Variants in ZDHHC14 observed in about 807,000 individuals in gnomAD.
The protein encoded by ZDHHC14 is palmitoyltransferase ZDHHC14.
Under a neutral mutation model 47.7 loss-of-function variants are expected in ZDHHC14, and 16 were observed. The observed-to-expected ratio is 0.34, with a 90% confidence interval of 0.23 to 0.51. The LOEUF (loss-of-function observed/expected upper bound fraction) is 0.51. Ranked by LOEUF, ZDHHC14 falls within the 20% of genes least tolerant of loss-of-function variation. ZDHHC14 has a pLI of 0.97. For synonymous variants in ZDHHC14, 293 were observed against 278.9 expected (o/e 1.05, Z -0.50); for missense variants, 515 against 662.5 (o/e 0.78, Z 2.44).
chr6:157,469,347 C>A (rs961520521), intron 1 of ZDHHC14, among the ~76,000 whole-genome samples: 1 of 152,204 alleles, frequency 6.6e-6, no homozygotes, highest in African/African-American at 2.4e-5. Flanking sequence ...AAATGAATGT[C>A]CTTCCTAGTA....
chr6:157,484,549 GA>G (rs201607305), intron 1 of ZDHHC14, among the ~76,000 whole-genome samples: 4 of 146,200 alleles, frequency 2.7e-5, no homozygotes, highest in Non-Finnish European at 6.0e-5. Flanking sequence ...AAAGTTAAAA[GA>G]AAAAAAAATT....
intron 1 of ZDHHC14, among the ~76,000 whole-genome samples, chr6:157,435,184 T>C (rs1209678577): frequency 6.6e-6 from 1 of 152,234 alleles, no homozygotes; most frequent in Non-Finnish European, 1.5e-5. Flanking sequence ...ATGGGGAAAC[T>C]GGGGCTCTGT....
intron 1 of ZDHHC14, among the ~76,000 whole-genome samples, chr6:157,412,791 A>G (rs569155083): frequency 2.0e-4 from 31 of 152,318 alleles, no homozygotes; most frequent in African/African-American, 6.5e-4. Context: ...GAGCAAAACC[A>G]TTTGTCAAAT....
At chr6:157,407,147 G>T (rs1777781159) in intron 1 of ZDHHC14, among the ~76,000 whole-genome samples, 1 of 152,260 alleles carries the variant, frequency 6.6e-6, no homozygotes. Context: ...GCTCAAAGAG[G>T]GTGGGTGACC....
chr6:157,673,098 C>A lies in ZDHHC14; in HGVS notation c.1443C>A (p.Gly481=). 1 of 1,573,878 alleles carries A rather than the reference C, an allele frequency of 6.4e-7. No homozygotes were observed. Among genetic ancestry groups the A allele is most frequent in the Non-Finnish European group, 8.6e-7 (1 of 1,168,540 alleles). The change falls in exon 9 of 9, where the codon GGC becomes GGA. Residue 481 remains glycine (G), a synonymous_variant. Coordinates refer to ENST00000359775, the MANE Select transcript of ZDHHC14 (RefSeq NM_024630.3). The surrounding 1 kb of genome is among the most constrained non-coding windows in gnomAD (Gnocchi z 5.4). ...QDSLHEDSVR[G]LVKLSSV ...CCCTGCATGAGGACTCTGTGCGCGG[C>A]CTGGTGAAGCTCAGCTCCGTGTGAC...
intron 2 of ZDHHC14, among the ~76,000 whole-genome samples, chr6:157,575,761 G>T (rs1165921834): frequency 1.3e-5 from 2 of 152,234 alleles, no homozygotes; most frequent in Non-Finnish European, 2.9e-5. Flanking sequence ...GCATTTTGTT[G>T]TGTGATTATT....
At chr6:157,430,311 TAAAAAAAAAA>T (rs67359917) in intron 1 of ZDHHC14, among the ~76,000 whole-genome samples, 1 of 96,366 alleles carries the variant, frequency 1.0e-5, no homozygotes, top group Non-Finnish European at 2.1e-5. Context: ...CAAGACTGTG[TAAAAAAAAAA>T]AAAAAAAAAA....
At chr6:157,528,583 T>C (rs907370921) in intron 1 of ZDHHC14, among the ~76,000 whole-genome samples, 1 of 151,806 alleles carries the variant, frequency 6.6e-6, no homozygotes, top group Non-Finnish European at 1.5e-5. Flanking sequence ...TACAAAGAAA[T>C]TAGCCAGGCG....
intron 1 of ZDHHC14, among the ~76,000 whole-genome samples, chr6:157,514,309 G>C (rs946061000): frequency 2.0e-5 from 3 of 152,164 alleles, no homozygotes; most frequent in African/African-American, 7.2e-5. Context: ...CCCCTCTCAG[G>C]ATCCATCTAC....
chr6:157,622,220 A>G lies in ZDHHC14; in HGVS notation c.566-6129A>G, dbSNP rs1466859257. ...ATCCCATCTCCACTAAAAATACAAA[A>G]AAAAAAAAAAAAAAAAAAATAGCCA... On this transcript the variant is annotated intron_variant, in intron 3 of 8. Transcript: ENST00000359775. Among the ~76,000 whole-genome samples, 6 of 48,436 alleles carry G rather than the reference A, an allele frequency of 1.2e-4. No individual in the cohort carries two copies. The South Asian group carries it at 5.5e-3, about 44-fold the overall frequency. The allele number at this position is 48,436 out of a possible 152,430, so 31.8% of individuals were successfully genotyped here.
chr6:157,644,842 A>G (rs1177988609), intron 5 of ZDHHC14, among the ~76,000 whole-genome samples: 1 of 152,216 alleles, frequency 6.6e-6, no homozygotes, highest in African/African-American at 2.4e-5. Context: ...AAATATCTGT[A>G]TCCTGTAAAT....
At chr6:157,624,276 C>T (rs867775214) in intron 3 of ZDHHC14, among the ~76,000 whole-genome samples, 60 of 152,232 alleles carry the variant, frequency 3.9e-4, no homozygotes, top group African/African-American at 1.4e-3. Flanking sequence ...GCATTCAGAG[C>T]TGGAGGCAGG....
chr6:157,532,865 T>G (rs1781413128), intron 1 of ZDHHC14, among the ~76,000 whole-genome samples: 1 of 152,244 alleles, frequency 6.6e-6, no homozygotes, highest in Non-Finnish European at 1.5e-5. Flanking sequence ...ATAGTTGAGT[T>G]TTTAAAAGCA....
intron 1 of ZDHHC14, among the ~76,000 whole-genome samples, chr6:157,409,070 T>C (rs1471982177): frequency 2.6e-5 from 4 of 152,232 alleles, no homozygotes; most frequent in Non-Finnish European, 5.9e-5. Context: ...CATTCCCACT[T>C]GCATCTCATT....
intron 1 of ZDHHC14, among the ~76,000 whole-genome samples, chr6:157,484,670 C>G (rs1779735172): frequency 6.6e-6 from 1 of 151,608 alleles, no homozygotes; most frequent in Admixed American, 6.6e-5. Flanking sequence ...AGCATTTACA[C>G]TGCAATTACC....
At chr6:157,628,680 T>TC (rs1339145514) in intron 4 of ZDHHC14, 194 bp downstream of exon 4, 13 of 640,346 alleles carry the variant, frequency 2.0e-5, no homozygotes, top group Admixed American at 3.2e-5. Context: ...TCCCCTGTCA[T>TC]CCCCCACTCC....
intron 1 of ZDHHC14, among the ~76,000 whole-genome samples, chr6:157,444,381 T>C (rs145958576): frequency 0.015 from 2,298 of 152,118 alleles, 31 homozygotes; most frequent in Non-Finnish European, 0.023. Flanking sequence ...GAACACTCAG[T>C]AAGAGGATAT....
chr6:157,453,162 G>C (rs897903254), intron 1 of ZDHHC14, among the ~76,000 whole-genome samples: 1 of 152,040 alleles, frequency 6.6e-6, no homozygotes, highest in African/African-American at 2.4e-5. Flanking sequence ...TTACTGACTT[G>C]GGTGTCTCCA....
intron 2 of ZDHHC14, among the ~76,000 whole-genome samples, chr6:157,588,120 C>T (rs1349213440): frequency 2.0e-5 from 3 of 152,086 alleles, no homozygotes; most frequent in East Asian, 3.9e-4. Context: ...ATTAGCTGGG[C>T]GTGGTGGTGC....
Sources: gnomAD v4.1 joint callset for allele counts (sites outside exome capture counted in the v4.1 genomes callset) on GRCh38, gnomAD v4.1.1 for gene constraint, Gnocchi (gnomAD v3.1) non-coding constraint, MANE v1.5 for transcripts, NCBI Gene and HGNC (gene_info 2026-07-23, HGNC 2026-07-21) for gene names.